Variants in RGL1 observed in about 807,000 individuals in gnomAD.
RGL1 encodes the protein ral guanine nucleotide dissociation stimulator-like 1.
RGL1 carries 24 observed loss-of-function variants against 95.2 expected under a neutral mutation model. That is an observed-to-expected ratio of 0.25 (90% CI 0.18 to 0.35). The LOEUF (loss-of-function observed/expected upper bound fraction) is 0.35, where lower values mean the gene tolerates loss of function less well. Among genes scored for constraint, RGL1 ranks in the 10% least tolerant of loss-of-function variants. The pLI, the probability that RGL1 is intolerant of heterozygous loss-of-function variation, is 1.00. For synonymous variants in RGL1, 329 were observed against 344.9 expected (o/e 0.95, Z 0.51); for missense variants, 715 against 936.3 (o/e 0.76, Z 3.08).
intron 9 of RGL1, among the ~76,000 whole-genome samples, chr1:183,896,671 T>C (rs774731428): frequency 1.3e-5 from 2 of 152,314 alleles, no homozygotes; most frequent in East Asian, 1.9e-4. Flanking sequence ...TACTACTGAA[T>C]TGTGCAATTT....
At chr1:183,661,483 A>G (rs1651621199) in intron 1 of RGL1, among the ~76,000 whole-genome samples, 1 of 152,200 alleles carries the variant, frequency 6.6e-6, no homozygotes, top group Non-Finnish European at 1.5e-5. Flanking sequence ...TCCTCAACAC[A>G]TACACCTTCC....
chr1:183,746,017 AATTCATT>A (rs1178442522), intron 2 of RGL1, among the ~76,000 whole-genome samples: 7 of 123,120 alleles, frequency 5.7e-5, no homozygotes, highest in African/African-American at 1.6e-4. Flanking sequence ...AAGTTCCTTC[AATTCATT>A]TTTTTTTTTT....
Position 183,922,757 on chromosome 1 carries a change from CTCA to C in RGL1, c.2119+426_2119+428del, listed in dbSNP as rs757745647. ...AATTTAGTGGTTCCTGTAATAATTT[CTCA>C]TCATTTCAATTAATCATGTATGAAA... On this transcript the variant is annotated intron_variant, in intron 17 of 17. Coordinates refer to ENST00000360851, the MANE Select transcript of RGL1 (RefSeq NM_001297671.3). 7.9e-5 allele frequency among the ~76,000 whole-genome samples: 12 copies of C among 152,260 alleles called. No homozygotes were observed. The East Asian group carries it at 1.3e-3, about 17-fold the overall frequency.
rs1663870158 is a variant in RGL1 at position 183,839,225 on chromosome 1, C to G, written c.139-8341C>G. ...AATTGATGTAATTTCTACATATTTC[C>G]ATCTTAGACCCTTCTCCCAACTTTT... On this transcript the variant is annotated intron_variant, in intron 2 of 17. Transcript: ENST00000360851. Among the ~76,000 whole-genome samples the G allele has an allele frequency of 2.6e-5, 4 of 152,194 alleles. No homozygotes were observed. In the South Asian group the frequency reaches 8.3e-4, roughly 32 times the overall value.
chr1:183,760,181 G>C (rs773724047), intron 2 of RGL1, among the ~76,000 whole-genome samples: 2 of 152,094 alleles, frequency 1.3e-5, no homozygotes, highest in African/African-American at 2.4e-5. Flanking sequence ...TAAAAATACT[G>C]TATTTCTAAA....
chr1:183,667,662 A>C (rs1399869352), intron 1 of RGL1, among the ~76,000 whole-genome samples: 1 of 152,040 alleles, frequency 6.6e-6, no homozygotes, highest in Non-Finnish European at 1.5e-5. Flanking sequence ...TGGTATTTGG[A>C]TTAATATCTA....
intron 11 of RGL1, among the ~76,000 whole-genome samples, chr1:183,901,454 G>C (rs191439348): frequency 2.6e-5 from 4 of 152,084 alleles, no homozygotes; most frequent in Admixed American, 6.5e-5. Context: ...GTCATTGCAC[G>C]ATCTAGGTGC....
At chr1:183,880,900 G>T (rs1666789999) in intron 5 of RGL1, 100 bp downstream of exon 5, 1 of 1,097,328 alleles carries the variant, frequency 9.1e-7, no homozygotes, top group Non-Finnish European at 1.3e-6. Context: ...GGAAACCTTG[G>T]TACCCTCAAA....
chr1:183,873,598 C>T lies in RGL1; in HGVS notation c.426-7018C>T, dbSNP rs139893297. Among the ~76,000 whole-genome samples, 414 of 152,182 alleles carry T rather than the reference C, an allele frequency of 2.7e-3. 6 individuals are homozygous for T. Among genetic ancestry groups the T allele is most frequent in the Middle Eastern group, 6.8e-3 (2 of 294 alleles). ...ATCTCGGATACTCAAGATTTTTCTCCGCATTTGCCTATATCACCATAATAA... is the reference window on the plus strand; with the variant it reads ...ATCTCGGATACTCAAGATTTTTCTCTGCATTTGCCTATATCACCATAATAA... On this transcript the variant is annotated intron_variant, in intron 4 of 17. Transcript: ENST00000360851.
At chr1:183,675,293 GTTT>G (rs148032153) in intron 1 of RGL1, among the ~76,000 whole-genome samples, 9 of 146,436 alleles carry the variant, frequency 6.1e-5, no homozygotes, top group African/African-American at 2.2e-4. Context: ...ATTCTATATG[GTTT>G]TTTTTTTTCT....
chr1:183,795,057 C>T (rs537149721), intron 2 of RGL1, among the ~76,000 whole-genome samples: 76 of 152,216 alleles, frequency 5.0e-4, no homozygotes, highest in Middle Eastern at 3.4e-3. Context: ...TTTTTTGAGA[C>T]AGGGTCTTGC....
intron 1 of RGL1, among the ~76,000 whole-genome samples, chr1:183,654,029 A>T (rs1572228617): frequency 6.6e-6 from 1 of 152,300 alleles, no homozygotes; most frequent in East Asian, 1.9e-4. Flanking sequence ...TTCCAGTAAT[A>T]ACTATTGGCT....
chr1:183,865,513 A>T (rs1665771914), intron 3 of RGL1, among the ~76,000 whole-genome samples: 1 of 152,180 alleles, frequency 6.6e-6, no homozygotes, highest in Non-Finnish European at 1.5e-5. Context: ...ATTTTCAAGG[A>T]GACCAGACTC....
intron 2 of RGL1, among the ~76,000 whole-genome samples, chr1:183,787,768 T>C (rs1660248342): frequency 6.6e-6 from 1 of 151,746 alleles, no homozygotes; most frequent in African/African-American, 2.4e-5. Context: ...CTTGCTGTAG[T>C]GAGTGAGTTC....
chr1:183,805,239 C>T lies in RGL1; in HGVS notation c.-59C>T. On this transcript the variant is annotated 5_prime_UTR_variant, in exon 1 of 18. Transcript: ENST00000360851. ...GCGGGGCTGAGCCCAGCAGACATTG[C>T]GTTGGCCTCCGAGCAGGGCGCATCA... 3 of 1,599,864 alleles carry T rather than the reference C, an allele frequency of 1.9e-6. No homozygotes were observed. Among genetic ancestry groups the T allele is most frequent in the Non-Finnish European group, 2.6e-6 (3 of 1,173,736 alleles).
intron 1 of RGL1, among the ~76,000 whole-genome samples, chr1:183,741,825 C>T (rs913677695): frequency 1.3e-5 from 2 of 152,166 alleles, no homozygotes; most frequent in African/African-American, 4.8e-5. Flanking sequence ...TCCATCACTC[C>T]CCCTGAGAGC....
intron 2 of RGL1, among the ~76,000 whole-genome samples, chr1:183,822,155 G>A (rs1388025437): frequency 1.3e-5 from 2 of 151,896 alleles, no homozygotes; most frequent in Non-Finnish European, 2.9e-5. Context: ...TATTTATTCT[G>A]ACAGTTGTAA....
intron 2 of RGL1, among the ~76,000 whole-genome samples, chr1:183,756,574 G>A (rs956964917): frequency 8.5e-5 from 13 of 152,168 alleles, no homozygotes; most frequent in African/African-American, 3.1e-4. Context: ...TGTCAGACAT[G>A]TTTAGGATGG....
At chr1:183,875,006 A>G (rs1333754003) in intron 4 of RGL1, among the ~76,000 whole-genome samples, 2 of 152,186 alleles carry the variant, frequency 1.3e-5, no homozygotes, top group African/African-American at 4.8e-5. Flanking sequence ...AAGTTACTTC[A>G]TTGCTTGAAA....
Sources: allele counts gnomAD v4.1 joint callset (sites outside exome capture counted in the v4.1 genomes callset), GRCh38; gene constraint gnomAD v4.1.1; transcripts MANE v1.5; gene names NCBI Gene and HGNC (gene_info 2026-07-23, HGNC 2026-07-21).